The following KCNH5 variants were observed in gnomAD, a reference collection of about 807,000 sequenced individuals.
The protein encoded by KCNH5 is potassium voltage-gated channel subfamily H member 5.
Under a neutral mutation model 96.1 loss-of-function variants are expected in KCNH5, and 46 were observed. The observed-to-expected ratio is 0.48, with a 90% confidence interval of 0.38 to 0.61. KCNH5 has a LOEUF of 0.61. Ranked by LOEUF, KCNH5 falls within the 20% of genes least tolerant of loss-of-function variation. The probability of loss-of-function intolerance (pLI) is 0.00; values close to 1 mark genes in which losing one functional copy is unlikely to be tolerated. For missense variants in KCNH5, 907 were observed against 1,225.8 expected (o/e 0.74, Z 3.88); for synonymous variants, 439 against 449.8 (o/e 0.98, Z 0.30).
chr14:62,961,267 A>T (rs1890200024), intron 6 of KCNH5, among the ~76,000 whole-genome samples: 1 of 151,702 alleles, frequency 6.6e-6, no homozygotes, highest in Non-Finnish European at 1.5e-5. Context: ...TGCTCTCTAC[A>T]CTCTGTCATA....
chr14:62,886,698 C>T (rs1479291445), intron 7 of KCNH5, among the ~76,000 whole-genome samples: 1 of 152,134 alleles, frequency 6.6e-6, no homozygotes, highest in Non-Finnish European at 1.5e-5. Flanking sequence ...CCTGTCAACA[C>T]GGGCATTATT....
At chr14:62,736,388 G>A (rs767925554) in intron 10 of KCNH5, among the ~76,000 whole-genome samples, 8 of 136,746 alleles carry the variant, frequency 5.9e-5, no homozygotes, top group South Asian at 2.7e-4. Context: ...TCATTCTAAA[G>A]TTCACCTTAA....
intron 10 of KCNH5, among the ~76,000 whole-genome samples, chr14:62,724,420 C>T: frequency 6.6e-6 from 1 of 151,536 alleles, no homozygotes; most frequent in Non-Finnish European, 1.5e-5. Context: ...CCTGAAGCTT[C>T]AAAAGAAAAA....
chr14:62,857,249 G>A (rs943271714), intron 7 of KCNH5, among the ~76,000 whole-genome samples: 6 of 152,146 alleles, frequency 3.9e-5, no homozygotes, highest in Non-Finnish European at 8.8e-5. Flanking sequence ...AAGAAATGGA[G>A]AGAGGAAGAG....
intron 7 of KCNH5, among the ~76,000 whole-genome samples, chr14:62,873,033 C>A (rs1381386477): frequency 6.6e-6 from 1 of 151,552 alleles, no homozygotes; most frequent in Non-Finnish European, 1.5e-5. Flanking sequence ...GCCTGTAGTC[C>A]CAGCTACTCA....
chr14:62,892,201 A>C (rs945935673), intron 7 of KCNH5, among the ~76,000 whole-genome samples: 2 of 152,250 alleles, frequency 1.3e-5, no homozygotes, highest in African/African-American at 4.8e-5. Flanking sequence ...ACTAGTTAAA[A>C]GTGTTCCTCC....
chr14:62,826,671 C>CATATAACCCTTAAT (rs1887234608), intron 8 of KCNH5, among the ~76,000 whole-genome samples: 1 of 151,820 alleles, frequency 6.6e-6, no homozygotes, highest in Admixed American at 6.6e-5. Flanking sequence ...TTAAAACTTA[C>CATATAACCCTTAAT]CTACATATAA....
chr14:62,994,278 T>C (rs1468246306), intron 4 of KCNH5, among the ~76,000 whole-genome samples: 1 of 152,060 alleles, frequency 6.6e-6, no homozygotes. Context: ...CTATGGGAAT[T>C]TTTTTGTCAC....
intron 6 of KCNH5, among the ~76,000 whole-genome samples, chr14:62,973,407 C>A (rs1890445734): frequency 6.6e-6 from 1 of 152,148 alleles, no homozygotes; most frequent in Non-Finnish European, 1.5e-5. Context: ...GAGATGAAGA[C>A]AAATAGAATG....
intron 7 of KCNH5, among the ~76,000 whole-genome samples, chr14:62,931,520 C>T (rs1004064568): frequency 6.6e-6 from 1 of 152,044 alleles, no homozygotes; most frequent in African/African-American, 2.4e-5. Flanking sequence ...AACAGTAGAA[C>T]AGACAAAAGC....
intron 8 of KCNH5, among the ~76,000 whole-genome samples, chr14:62,841,998 A>G (rs1421179702): frequency 6.6e-6 from 1 of 152,216 alleles, no homozygotes; most frequent in Non-Finnish European, 1.5e-5. Flanking sequence ...AGAAAATGAA[A>G]TATAAATTAG....
chr14:62,994,859 T>C (rs1477245185), intron 4 of KCNH5, among the ~76,000 whole-genome samples: 1 of 152,088 alleles, frequency 6.6e-6, no homozygotes, highest in East Asian at 1.9e-4. Flanking sequence ...ATAATGAATA[T>C]AAAATTCTTG....
intron 3 of KCNH5, 36 bp from the exon 4 acceptor site, chr14:63,001,495 G>C (rs772674745): frequency 6.3e-7 from 1 of 1,581,788 alleles, no homozygotes; most frequent in South Asian, 1.2e-5. Flanking sequence ...GGACATTAGA[G>C]TGTGGCACGG....
At chr14:62,727,738 C>T (rs541308807) in intron 10 of KCNH5, among the ~76,000 whole-genome samples, 45 of 141,476 alleles carry the variant, frequency 3.2e-4, no homozygotes, top group African/African-American at 1.1e-3. Flanking sequence ...CTGAGAATAC[C>T]AAGATGAATA....
chr14:62,774,236 G>T (rs181978080), intron 10 of KCNH5, among the ~76,000 whole-genome samples: 3 of 151,634 alleles, frequency 2.0e-5, no homozygotes, highest in Non-Finnish European at 2.9e-5. Flanking sequence ...TTGTACTGGA[G>T]ATGGTCACAA....
intron 7 of KCNH5, among the ~76,000 whole-genome samples, chr14:62,910,535 C>G (rs1296060901): frequency 6.6e-6 from 1 of 152,084 alleles, no homozygotes; most frequent in African/African-American, 2.4e-5. Flanking sequence ...ATACAAGAAT[C>G]AGTAATTCTC....
chr14:63,029,906 C>T (rs1891594855), intron 1 of KCNH5, among the ~76,000 whole-genome samples: 1 of 151,940 alleles, frequency 6.6e-6, no homozygotes, highest in Non-Finnish European at 1.5e-5. Flanking sequence ...AAAATTGCTT[C>T]CCAGAAAATT....
intron 8 of KCNH5, among the ~76,000 whole-genome samples, chr14:62,835,933 AT>A (rs1187513473): frequency 6.6e-6 from 1 of 152,048 alleles, no homozygotes; most frequent in Non-Finnish European, 1.5e-5. Context: ...CATTACAAGA[AT>A]TTTTTTAAAA....
intron 7 of KCNH5, among the ~76,000 whole-genome samples, chr14:62,912,452 G>A (rs779604624): frequency 6.6e-6 from 1 of 151,092 alleles, no homozygotes; most frequent in Non-Finnish European, 1.5e-5. Context: ...TTTCGCCCTG[G>A]ATGGAGTGCA....
Sources: gnomAD v4.1 joint callset for allele counts (sites outside exome capture counted in the v4.1 genomes callset) on GRCh38, gnomAD v4.1.1 for gene constraint, MANE v1.5 for transcripts, NCBI Gene and HGNC (gene_info 2026-07-23, HGNC 2026-07-21) for gene names.